The following OXCT1 variants were observed in gnomAD, a reference collection of about 807,000 sequenced individuals.
OXCT1 encodes 3-oxoacid CoA-transferase 1.
Under a neutral mutation model 69.6 loss-of-function variants are expected in OXCT1, and 27 were observed. The ratio of observed to expected loss-of-function variants is 0.39; its 90% confidence interval spans 0.29 to 0.54. The LOEUF (loss-of-function observed/expected upper bound fraction) is 0.54. Ranked by LOEUF, OXCT1 falls within the 20% of genes least tolerant of loss-of-function variation. OXCT1 has a pLI of 0.72. For missense variants in OXCT1, 437 were observed against 650.2 expected, an observed-to-expected ratio of 0.67 and a Z score of 3.57; for synonymous variants, 202 against 217.8, an observed-to-expected ratio of 0.93 and a Z score of 0.64.
intron 15 of OXCT1, among the ~76,000 whole-genome samples, chr5:41,747,059 G>C (rs1561358943): frequency 6.6e-6 from 1 of 152,076 alleles, no homozygotes. Context: ...AAAGCTTACA[G>C]TGTTTTTTCT....
At chr5:41,864,484 T>C (rs975258934) in intron 1 of OXCT1, among the ~76,000 whole-genome samples, 5 of 152,252 alleles carry the variant, frequency 3.3e-5, no homozygotes, top group African/African-American at 1.2e-4. Flanking sequence ...TTCATCTGCT[T>C]CTGTTTTAAA....
At chr5:41,856,938 T>A (rs746960209) in intron 3 of OXCT1, among the ~76,000 whole-genome samples, 3 of 152,148 alleles carry the variant, frequency 2.0e-5, no homozygotes, top group African/African-American at 4.8e-5. Flanking sequence ...TCCTAGTACC[T>A]GGCTAGGTCC....
chr5:41,754,394 A>G (rs1743958986), intron 14 of OXCT1, among the ~76,000 whole-genome samples: 1 of 152,122 alleles, frequency 6.6e-6, no homozygotes, highest in Non-Finnish European at 1.5e-5. Flanking sequence ...TGACTGTCAC[A>G]TCACTATAAC....
chr5:41,833,983 G>A (rs1344113919), intron 7 of OXCT1, among the ~76,000 whole-genome samples: 1 of 151,416 alleles, frequency 6.6e-6, no homozygotes, highest in African/African-American at 2.4e-5. Flanking sequence ...ACTCCAGCCT[G>A]GGCAACAAGA....
At chr5:41,774,173 A>T (rs1273750032) in intron 13 of OXCT1, among the ~76,000 whole-genome samples, 1 of 152,228 alleles carries the variant, frequency 6.6e-6, no homozygotes, top group Non-Finnish European at 1.5e-5. Context: ...GGAAGAAAAC[A>T]CATTCTGTTG....
chr5:41,854,926 G>T (rs1405490280), intron 3 of OXCT1, among the ~76,000 whole-genome samples: 3 of 152,046 alleles, frequency 2.0e-5, no homozygotes, highest in African/African-American at 7.2e-5. Context: ...TTCCATTCTG[G>T]GTCTATAACC....
chr5:41,816,408 A>G (rs1747246866), intron 7 of OXCT1, among the ~76,000 whole-genome samples: 1 of 152,236 alleles, frequency 6.6e-6, no homozygotes, highest in South Asian at 2.1e-4. Context: ...CTATGACTTT[A>G]GCATGATGAT....
At chr5:41,750,137 T>G (rs1293771179) in intron 14 of OXCT1, among the ~76,000 whole-genome samples, 38 of 91,646 alleles carry the variant, frequency 4.1e-4, no homozygotes, top group Middle Eastern at 6.4e-3. Context: ...GTTTTTTGGT[T>G]TTTTTTTTTT....
chr5:41,859,676 A>G (rs1004644171), intron 3 of OXCT1, among the ~76,000 whole-genome samples: 1 of 151,870 alleles, frequency 6.6e-6, no homozygotes, highest in South Asian at 2.1e-4. Context: ...GTCCATAATC[A>G]GCTCATGGCC....
chr5:41,810,389 C>T (rs1345126621), intron 7 of OXCT1, among the ~76,000 whole-genome samples: 2 of 152,014 alleles, frequency 1.3e-5, no homozygotes, highest in Non-Finnish European at 2.9e-5. Context: ...AGCCTCAGGG[C>T]AAAGCAATGG....
chr5:41,732,129 G>A (rs1315475264), intron 16 of OXCT1, among the ~76,000 whole-genome samples: 5 of 152,090 alleles, frequency 3.3e-5, no homozygotes, highest in African/African-American at 1.2e-4. Context: ...CACTTAAGAC[G>A]CAGTACAAAC....
At chr5:41,787,898 A>G (rs1414648453) in intron 13 of OXCT1, among the ~76,000 whole-genome samples, 1 of 152,114 alleles carries the variant, frequency 6.6e-6, no homozygotes, top group Non-Finnish European at 1.5e-5. Flanking sequence ...CAAACATCAA[A>G]GGATGTCCTT....
chr5:41,807,304 TACTG>T (rs1746729177), intron 8 of OXCT1, 23 bp downstream of exon 8: 1 of 1,187,422 alleles, frequency 8.4e-7, no homozygotes, highest in African/African-American at 1.5e-5. Flanking sequence ...GATCCATGAA[TACTG>T]ACAAAGCAGC....
rs2112500153 is a variant in OXCT1 at position 41,870,195 on chromosome 5, A to G, written c.78+86T>C. The G allele has an allele frequency of 9.9e-7, 1 of 1,007,630 alleles. No individual in the cohort carries two copies. The highest frequency in any genetic ancestry group is 2.5e-5 in the East Asian group (1 of 40,108). 62.4% of individuals were successfully genotyped at this position (1,007,630 alleles called of 1,614,324 possible). A position where few individuals can be genotyped will look rare whatever the true frequency, so the allele number is the denominator to read the frequency against. ...AGATCCCAGGCTGGAGAGAGCGGGT[A>G]GGGGCAGAGAAGAAAACGCGGGCAC... is the stretch of plus-strand genomic sequence containing the variant. On this transcript the variant is annotated intron_variant, in intron 1 of 16. Coordinates refer to ENST00000196371, the MANE Select transcript of OXCT1 (RefSeq NM_000436.4). This position sits in a 1 kb window ranked among gnomAD's most constrained non-coding sequence, Gnocchi z 4.2.
intron 14 of OXCT1, among the ~76,000 whole-genome samples, chr5:41,756,996 C>T (rs976110800): frequency 3.9e-5 from 6 of 151,970 alleles, no homozygotes; most frequent in African/African-American, 1.4e-4. Flanking sequence ...GGGGAGTCTA[C>T]AAACCATGGA....
chr5:41,802,742 G>A (rs894673592), intron 10 of OXCT1, among the ~76,000 whole-genome samples: 14 of 152,188 alleles, frequency 9.2e-5, no homozygotes, highest in Middle Eastern at 3.4e-3. Flanking sequence ...CATGGGAGAC[G>A]CAGTCAGAAA....
chr5:41,777,346 G>A (rs1455336975), intron 13 of OXCT1, among the ~76,000 whole-genome samples: 1 of 152,150 alleles, frequency 6.6e-6, no homozygotes, highest in African/African-American at 2.4e-5. Context: ...AACCCGAGAG[G>A]TGGAGGTTGC....
intron 15 of OXCT1, among the ~76,000 whole-genome samples, chr5:41,748,005 AG>A (rs778580171): frequency 2.4e-4 from 36 of 152,194 alleles, no homozygotes; most frequent in Non-Finnish European, 4.6e-4. Flanking sequence ...TTTAGGACAG[AG>A]ACTCTGCCTT....
chr5:41,758,965 A>C (rs1429275926), intron 14 of OXCT1, among the ~76,000 whole-genome samples: 1 of 152,066 alleles, frequency 6.6e-6, no homozygotes, highest in Non-Finnish European at 1.5e-5. Context: ...GGAGGAGTCT[A>C]ATGCAAAAAG....
Sources: allele counts gnomAD v4.1 joint callset (sites outside exome capture counted in the v4.1 genomes callset), GRCh38; gene constraint gnomAD v4.1.1; non-coding constraint Gnocchi (gnomAD v3.1); transcripts MANE v1.5; gene names NCBI Gene and HGNC (gene_info 2026-07-23, HGNC 2026-07-21).